Variants in SOX6 observed in about 807,000 individuals in gnomAD.
The protein encoded by SOX6 is transcription factor SOX-6.
A neutral mutation model predicts 97.8 loss-of-function variants in SOX6; 11 were observed. That is an observed-to-expected ratio of 0.11 (90% CI 0.07 to 0.19). The LOEUF (loss-of-function observed/expected upper bound fraction) is 0.19, where lower values mean the gene tolerates loss of function less well. Ranked by LOEUF, SOX6 falls within the 10% of genes least tolerant of loss-of-function variation. SOX6 has a pLI of 1.00. For synonymous variants in SOX6, 360 were observed against 371.4 expected (o/e 0.97, Z 0.35); for missense variants, 810 against 1,039.5 (o/e 0.78, Z 3.04).
At chr11:16,516,275 G>C (rs1233822959) in intron 4 of SOX6, among the ~76,000 whole-genome samples, 2 of 151,956 alleles carry the variant, frequency 1.3e-5, no homozygotes, top group African/African-American at 2.4e-5. Context: ...TCCCTTGTAA[G>C]TTGGATTCCT....
chr11:16,334,044 G>A (rs1438387697), intron 2 of SOX6, among the ~76,000 whole-genome samples: 2 of 152,126 alleles, frequency 1.3e-5, no homozygotes, highest in Non-Finnish European at 2.9e-5. Flanking sequence ...AATTGTGAGT[G>A]TCAGTGATAG....
intron 4 of SOX6, among the ~76,000 whole-genome samples, chr11:16,609,688 C>T (rs760809063): frequency 1.3e-5 from 2 of 152,178 alleles, no homozygotes; most frequent in Non-Finnish European, 2.9e-5. Context: ...AAATATACTC[C>T]ATGTTGGTTT....
At chr11:16,079,217 T>C (rs534762962) in intron 9 of SOX6, among the ~76,000 whole-genome samples, 1 of 152,222 alleles carries the variant, frequency 6.6e-6, no homozygotes, top group Admixed American at 6.5e-5. Context: ...TCGATTTCCA[T>C]CCATAATGAA....
chr11:16,063,262 A>C (rs751044652), intron 9 of SOX6, among the ~76,000 whole-genome samples: 2 of 151,002 alleles, frequency 1.3e-5, no homozygotes, highest in Non-Finnish European at 3.0e-5. Flanking sequence ...GCCTGTTTAG[A>C]TTTAACCCAA....
At position 15,986,360 on chromosome 11, in the gene SOX6, C is replaced by T. The variant is rs777328198; in HGVS notation, c.2027G>A (p.Arg676Gln). ...CTTCTCTAAGTGGATCTTGCTTAGC[C>T]GGGCCTGCTCTTCATAATAAGGTTG... is the stretch of plus-strand genomic sequence containing the variant. ...EKQPYYEEQA[R>Q]LSKIHLEKYP... Residue 676 changes from arginine to glutamine, a missense_variant, in exon 15 of 16, where the codon CGG becomes CAG. Physicochemically the swap from Arg to Gln is conservative, Grantham distance 43 (BLOSUM62 1). Around this residue, in one of 9 missense-constraint regions of SOX6, gnomAD observed 51 missense variants for 145.7 expected, o/e 0.35. Transcript: ENST00000683767. 1.2e-6 allele frequency: 2 copies of T among 1,613,968 alleles called. No individual in the cohort carries two copies. Among genetic ancestry groups the T allele is most frequent in the Non-Finnish European group, 1.7e-6 (2 of 1,179,974 alleles).
chr11:16,098,319 C>T lies in SOX6; in HGVS notation c.899-631G>A, dbSNP rs201901001. 4.6e-5 allele frequency among the ~76,000 whole-genome samples: 7 copies of T among 151,914 alleles called. No individual in the cohort carries two copies. In the East Asian group the frequency reaches 1.4e-3, roughly 29 times the overall value. On this transcript the variant is annotated intron_variant, in intron 7 of 15. Coordinates refer to ENST00000683767, the MANE Select transcript of SOX6 (RefSeq NM_001367873.1). ...GTACTGGTGGATCCTAGTACAGAAT[C>T]ATGCATACTAAGCACTTATCAAACA... is the stretch of plus-strand genomic sequence containing the variant.
chr11:16,384,279 A>G (rs184535038), intron 1 of SOX6, among the ~76,000 whole-genome samples: 1 of 151,914 alleles, frequency 6.6e-6, no homozygotes, highest in African/African-American at 2.4e-5. Context: ...TTAAGGAGGA[A>G]GTCTTTAGAA....
chr11:16,283,604 T>G (rs1854646240), intron 3 of SOX6, among the ~76,000 whole-genome samples: 2 of 151,762 alleles, frequency 1.3e-5, no homozygotes, highest in Admixed American at 6.6e-5. Context: ...AAAGATTACT[T>G]CTGTGGCTTT....
intron 2 of SOX6, among the ~76,000 whole-genome samples, chr11:16,327,226 T>C (rs1856126224): frequency 6.6e-6 from 1 of 152,182 alleles, no homozygotes; most frequent in Non-Finnish European, 1.5e-5. Flanking sequence ...TAATTATATC[T>C]TCAAATCGTT....
chr11:16,344,252 T>C (rs1856717146), intron 1 of SOX6, among the ~76,000 whole-genome samples: 1 of 151,842 alleles, frequency 6.6e-6, no homozygotes, highest in Non-Finnish European at 1.5e-5. Flanking sequence ...GGTCTTGTTG[T>C]TGATTTTTGT....
intron 1 of SOX6, among the ~76,000 whole-genome samples, chr11:16,374,001 T>C (rs1162402003): frequency 6.6e-6 from 1 of 152,006 alleles, no homozygotes; most frequent in East Asian, 1.9e-4. Flanking sequence ...GTATAGCTAA[T>C]AAATACTCAA....
At chr11:16,108,439 T>C (rs1849151169) in intron 7 of SOX6, among the ~76,000 whole-genome samples, 1 of 152,182 alleles carries the variant, frequency 6.6e-6, no homozygotes, top group African/African-American at 2.4e-5. Context: ...GATATACACA[T>C]TGGCAACTGT....
At chr11:16,721,749 G>A (rs899676646) in intron 2 of SOX6, among the ~76,000 whole-genome samples, 1 of 151,004 alleles carries the variant, frequency 6.6e-6, no homozygotes, top group Non-Finnish European at 1.5e-5. Context: ...ATAGCCTGGA[G>A]AACTGTGAGT....
chr11:15,968,570 G>T lies in SOX6; in HGVS notation c.*4239C>A, dbSNP rs1265273069. ...CTGAAACAATCCCTGCTTTCTGCTA[G>T]TGCTTGTGCTCCTGGCTCAGGAGGG... is the stretch of plus-strand genomic sequence containing the variant. On this transcript the variant is annotated 3_prime_UTR_variant, in exon 16 of 16. Transcript: ENST00000683767. 6.6e-6 allele frequency: 1 copy of T among 152,242 alleles called. No individual in the cohort carries two copies. Among genetic ancestry groups the T allele is most frequent in the African/African-American group, 2.4e-5 (1 of 41,438 alleles). 9.4% of individuals were successfully genotyped at this position (152,242 alleles called of 1,614,324 possible).
intron 9 of SOX6, among the ~76,000 whole-genome samples, chr11:16,059,977 T>A (rs1847906674): frequency 6.6e-6 from 1 of 151,938 alleles, no homozygotes; most frequent in African/African-American, 2.4e-5. Context: ...ATAACCAATA[T>A]ATCCTACTAT....
Position 16,321,261 on chromosome 11 carries a change from C to T in SOX6, c.238-2608G>A, listed in dbSNP as rs535692985. On this transcript the variant is annotated intron_variant, in intron 2 of 15. Coordinates refer to ENST00000683767, the MANE Select transcript of SOX6 (RefSeq NM_001367873.1). ...GATGCCAATTATTGTCACATTATGG[C>T]CAAAAAAAAAAAAAAAAACCCTGAC... Among the ~76,000 whole-genome samples, 12 of 134,588 alleles carry T rather than the reference C, an allele frequency of 8.9e-5. No individual in the cohort carries two copies. In the East Asian group the frequency reaches 2.5e-3, roughly 28 times the overall value. The allele number at this position is 134,588 out of a possible 152,430, so 88.3% of individuals were successfully genotyped here.
chr11:16,603,378 G>C (rs1247471673), intron 4 of SOX6, among the ~76,000 whole-genome samples: 1 of 152,200 alleles, frequency 6.6e-6, no homozygotes, highest in Non-Finnish European at 1.5e-5. Flanking sequence ...AAGAACCCCA[G>C]GCTGAACCAG....
intron 12 of SOX6, among the ~76,000 whole-genome samples, chr11:16,041,816 A>G (rs1855677302): frequency 6.6e-6 from 1 of 152,206 alleles, no homozygotes; most frequent in African/African-American, 2.4e-5. Flanking sequence ...AATGAAAAAG[A>G]AATATGCATA....
chr11:16,177,637 CTCTCTCTCTCTCAT>C (rs1412560565), intron 6 of SOX6, among the ~76,000 whole-genome samples: 2 of 151,680 alleles, frequency 1.3e-5, no homozygotes, highest in Non-Finnish European at 2.9e-5. Flanking sequence ...CTCTCTCTCT[CTCTCTCTCTCTCAT>C]TCTCTCTCTC....
Sources: allele counts gnomAD v4.1 joint callset (sites outside exome capture counted in the v4.1 genomes callset), GRCh38; gene constraint gnomAD v4.1.1; regional missense constraint gnomAD v4.1.1; transcripts MANE v1.5; gene names NCBI Gene and HGNC (gene_info 2026-07-23, HGNC 2026-07-21).